GALNTL6: variants seen among roughly 807,000 people sequenced by gnomAD.
The protein encoded by GALNTL6 is polypeptide N-acetylgalactosaminyltransferase-like 6.
Under a neutral mutation model 73.7 loss-of-function variants are expected in GALNTL6, and 46 were observed. The ratio of observed to expected loss-of-function variants is 0.62; its 90% CI spans 0.49 to 0.80. The LOEUF (loss-of-function observed/expected upper bound fraction) is 0.80. Ranked by LOEUF, GALNTL6 falls within the 30% of genes least tolerant of loss-of-function variation. The pLI is 0.00. For missense variants in GALNTL6, 604 were observed against 755.0 expected, an observed-to-expected ratio of 0.80 and a Z score of 2.34; for synonymous variants, 259 against 263.7, an observed-to-expected ratio of 0.98 and a Z score of 0.17.
chr4:172,377,956 C>G (rs1437501282), intron 5 of GALNTL6, among the ~76,000 whole-genome samples: 1 of 151,844 alleles, frequency 6.6e-6, no homozygotes, highest in South Asian at 2.1e-4. Context: ...GGAGCTGGCT[C>G]TGGCCTCGGC....
chr4:172,271,019 A>G (rs965082424), intron 3 of GALNTL6, among the ~76,000 whole-genome samples: 3 of 152,152 alleles, frequency 2.0e-5, no homozygotes, highest in Non-Finnish European at 4.4e-5. Context: ...ATAAAGACCC[A>G]GACAGTCTGA....
chr4:172,133,198 C>T (rs1324431424), intron 2 of GALNTL6, among the ~76,000 whole-genome samples: 1 of 152,132 alleles, frequency 6.6e-6, no homozygotes, highest in African/African-American at 2.4e-5. Context: ...TATAAATTAG[C>T]CTGAACTCCA....
At chr4:172,623,580 G>A (rs1380341697) in intron 5 of GALNTL6, among the ~76,000 whole-genome samples, 1 of 152,092 alleles carries the variant, frequency 6.6e-6, no homozygotes, top group Admixed American at 6.6e-5. Flanking sequence ...CCAAGTTACA[G>A]TTGTGTTTTG....
At chr4:171,896,603 T>C (rs1159488748) in intron 2 of GALNTL6, among the ~76,000 whole-genome samples, 1 of 152,210 alleles carries the variant, frequency 6.6e-6, no homozygotes, top group Non-Finnish European at 1.5e-5. Flanking sequence ...ACGTTCTCAC[T>C]GTGCCTTCCT....
chr4:172,183,155 A>G (rs1056308177), intron 2 of GALNTL6, among the ~76,000 whole-genome samples: 1 of 152,216 alleles, frequency 6.6e-6, no homozygotes, highest in African/African-American at 2.4e-5. Context: ...TATTTTATTC[A>G]ATCTGTGAAT....
intron 10 of GALNTL6, among the ~76,000 whole-genome samples, chr4:172,999,122 TAGA>T (rs989040687): frequency 1.3e-5 from 2 of 152,168 alleles, no homozygotes; most frequent in African/African-American, 4.8e-5. Context: ...CTTGGAAACT[TAGA>T]AGAACTCTCC....
intron 5 of GALNTL6, among the ~76,000 whole-genome samples, chr4:172,798,642 A>G (rs1740422225): frequency 6.6e-6 from 1 of 152,230 alleles, no homozygotes; most frequent in Non-Finnish European, 1.5e-5. Flanking sequence ...ATAGTAAGTC[A>G]TTAAGTCAAA....
intron 3 of GALNTL6, among the ~76,000 whole-genome samples, chr4:172,281,371 C>A (rs978274906): frequency 6.6e-6 from 1 of 152,046 alleles, no homozygotes; most frequent in African/African-American, 2.4e-5. Context: ...GTCACATCCT[C>A]TGAGTTTCTT....
At chr4:172,078,010 C>A (rs1473811509) in intron 2 of GALNTL6, among the ~76,000 whole-genome samples, 1 of 152,124 alleles carries the variant, frequency 6.6e-6, no homozygotes, top group African/African-American at 2.4e-5. Context: ...AGAGTGCAAG[C>A]CCCAAGCCTT....
At chr4:173,010,656 G>A (rs568317468) in intron 11 of GALNTL6, among the ~76,000 whole-genome samples, 57 of 151,826 alleles carry the variant, frequency 3.8e-4, no homozygotes, top group African/African-American at 1.2e-3. Flanking sequence ...GTGCAGTGGC[G>A]CAATCTCGGC....
chr4:172,219,655 T>G (rs1181139208), intron 2 of GALNTL6, among the ~76,000 whole-genome samples: 1 of 151,890 alleles, frequency 6.6e-6, no homozygotes, highest in Non-Finnish European at 1.5e-5. Context: ...TGCTGGTATT[T>G]GAAATAATTA....
At chr4:172,739,667 AAG>A (rs2111414526) in intron 5 of GALNTL6, among the ~76,000 whole-genome samples, 1 of 152,298 alleles carries the variant, frequency 6.6e-6, no homozygotes, top group African/African-American at 2.4e-5. Flanking sequence ...CCCAGGATGT[AAG>A]AACAATCCAT....
Position 172,952,278 on chromosome 4 carries a change from A to G in GALNTL6, c.1371+20A>G, listed in dbSNP as rs773179108. On this transcript the variant is annotated intron_variant, in intron 10 of 12. Coordinates refer to ENST00000506823, the MANE Select transcript of GALNTL6 (RefSeq NM_001034845.3). The stretch of plus-strand genomic sequence containing the variant: ...GGGGAGGTGAGGAAAGGTTGCCTGA[A>G]ACCTGCGCCTACCTATGAGACTGTG... 6.3e-7 allele frequency: 1 copy of G among 1,578,056 alleles called. No homozygotes were observed. The highest frequency in any genetic ancestry group is 8.7e-7 in the Non-Finnish European group (1 of 1,148,480).
At chr4:172,744,845 G>A (rs867324396) in intron 5 of GALNTL6, among the ~76,000 whole-genome samples, 23,517 of 148,446 alleles carry the variant, frequency 0.16, 3,326 homozygotes, top group African/African-American at 0.39. Flanking sequence ...GCGTGCGTGT[G>A]TGTGTGTGTG....
chr4:172,157,376 T>C (rs1054545846), intron 2 of GALNTL6, among the ~76,000 whole-genome samples: 21 of 152,210 alleles, frequency 1.4e-4, no homozygotes, highest in Non-Finnish European at 3.1e-4. Flanking sequence ...CCTACCTCTT[T>C]CTAATTATTT....
chr4:172,860,315 G>T (rs1579576340), intron 7 of GALNTL6, among the ~76,000 whole-genome samples: 1 of 152,116 alleles, frequency 6.6e-6, no homozygotes, highest in South Asian at 2.1e-4. Context: ...ATTTTGTTCA[G>T]GAGCTGAAAA....
intron 2 of GALNTL6, among the ~76,000 whole-genome samples, chr4:171,889,353 G>A (rs945794973): frequency 1.3e-5 from 2 of 151,950 alleles, no homozygotes; most frequent in Non-Finnish European, 2.9e-5. Flanking sequence ...TCATTGACCT[G>A]GTTGTATAAT....
intron 3 of GALNTL6, among the ~76,000 whole-genome samples, chr4:172,282,305 A>G (rs1739089023): frequency 6.6e-6 from 1 of 152,218 alleles, no homozygotes. Context: ...ATCAGGGCAA[A>G]GCAAAGTAAA....
intron 2 of GALNTL6, among the ~76,000 whole-genome samples, chr4:171,871,703 A>G (rs1444116931): frequency 1.3e-5 from 2 of 152,232 alleles, no homozygotes; most frequent in Admixed American, 6.5e-5. Context: ...AGGTCCCGAA[A>G]AAAACACTAC....
Sources: allele counts gnomAD v4.1 joint callset (sites outside exome capture counted in the v4.1 genomes callset), GRCh38; gene constraint gnomAD v4.1.1; transcripts MANE v1.5; gene names NCBI Gene and HGNC (gene_info 2026-07-23, HGNC 2026-07-21).